Variants in KLHDC10 observed in about 807,000 individuals in gnomAD.
KLHDC10 encodes the protein kelch domain containing 10.
A neutral mutation model predicts 56.1 loss-of-function variants in KLHDC10; 24 were observed. That is an observed-to-expected ratio of 0.43 (90% CI 0.31 to 0.60). The LOEUF is 0.60. KLHDC10 is among the 20% of genes least tolerant of loss of function. The pLI is 0.11. For missense variants in KLHDC10, 349 were observed against 567.0 expected, an observed-to-expected ratio of 0.62 and a Z score of 3.91; for synonymous variants, 188 against 207.1, an observed-to-expected ratio of 0.91 and a Z score of 0.79.
At chr7:130,110,316 A>G (rs1454882601) in intron 2 of KLHDC10, among the ~76,000 whole-genome samples, 1 of 152,242 alleles carries the variant, frequency 6.6e-6, no homozygotes, top group Non-Finnish European at 1.5e-5. Context: ...ATTCATTGCA[A>G]AAGTAAATGG....
At chr7:130,081,903 T>C (rs967248640) in intron 1 of KLHDC10, among the ~76,000 whole-genome samples, 8 of 152,220 alleles carry the variant, frequency 5.3e-5, no homozygotes, top group African/African-American at 1.9e-4. Flanking sequence ...TCTGCCTTTC[T>C]AGAGCTAGAG....
At chr7:130,114,826 G>GT (rs1796145667) in intron 2 of KLHDC10, among the ~76,000 whole-genome samples, 1 of 151,936 alleles carries the variant, frequency 6.6e-6, no homozygotes, top group Non-Finnish European at 1.5e-5. Context: ...TGATGGGTAG[G>GT]TAGGTAGACT....
chr7:130,117,293 A>G (rs1727114334), intron 3 of KLHDC10, among the ~76,000 whole-genome samples: 1 of 152,106 alleles, frequency 6.6e-6, no homozygotes, highest in Non-Finnish European at 1.5e-5. Context: ...TGGTTGCTGA[A>G]GGTTGGGGTG....
At chr7:130,126,202 C>T (rs1796313792) in intron 7 of KLHDC10, among the ~76,000 whole-genome samples, 1 of 152,098 alleles carries the variant, frequency 6.6e-6, no homozygotes, top group Non-Finnish European at 1.5e-5. Context: ...CCTGTAGTCC[C>T]AGCTACTCCG....
intron 1 of KLHDC10, among the ~76,000 whole-genome samples, chr7:130,096,114 G>A (rs897793204): frequency 6.6e-6 from 1 of 152,090 alleles, no homozygotes; most frequent in Non-Finnish European, 1.5e-5. Context: ...ATTGTTGTGA[G>A]AATTATATGA....
intron 1 of KLHDC10, among the ~76,000 whole-genome samples, chr7:130,082,139 C>T (rs1795617231): frequency 6.6e-6 from 1 of 152,106 alleles, no homozygotes; most frequent in Non-Finnish European, 1.5e-5. Context: ...ATAGTGAGAC[C>T]TTGTCTTTAC....
intron 1 of KLHDC10, among the ~76,000 whole-genome samples, chr7:130,084,271 C>T (rs919195368): frequency 6.6e-6 from 1 of 152,164 alleles, no homozygotes; most frequent in African/African-American, 2.4e-5. Context: ...CTCCCTCTAG[C>T]TGCTGGTTGG....
chr7:130,126,080 A>T, intron 7 of KLHDC10, 149 bp downstream of exon 7: 1 of 627,272 alleles, frequency 1.6e-6, no homozygotes, highest in South Asian at 2.2e-5. Flanking sequence ...TAATCTCAGC[A>T]CTTTGGGAGG....
chr7:130,077,373 A>AAC (rs1795523219), intron 1 of KLHDC10, among the ~76,000 whole-genome samples: 1 of 147,386 alleles, frequency 6.8e-6, no homozygotes, highest in Non-Finnish European at 1.5e-5. Context: ...AAAAAAAAAA[A>AAC]AAAAAAAAAC....
In KLHDC10 at chr7:130,079,929, G is replaced by T. The variant is rs1165631617; in HGVS notation, c.166+9120G>T. 1.3e-3 allele frequency among the ~76,000 whole-genome samples: 62 copies of T among 49,186 alleles called. 3 individuals carry two copies. Among genetic ancestry groups the T allele is most frequent in the African/African-American group, 6.2e-3 (53 of 8,586 alleles). The allele number at this position is 49,186 out of a possible 152,430, so 32.3% of individuals were successfully genotyped here. A position where few individuals can be genotyped will look rare whatever the true frequency, so the allele number is the denominator to read the frequency against. ...CCCTCCCTCCCTTCCTCCCTTTCTC[G>T]CTTCCTCCTTCCCTCCCTTCCTCCC... On this transcript the variant is annotated intron_variant, in intron 1 of 9. Coordinates refer to ENST00000335420, the MANE Select transcript of KLHDC10 (RefSeq NM_014997.4).
Position 130,132,509 on chromosome 7 carries a change from T to C in KLHDC10, c.*1763T>C, listed in dbSNP as rs985638637. On this transcript the variant is annotated 3_prime_UTR_variant, in exon 10 of 10. Coordinates refer to ENST00000335420, the MANE Select transcript of KLHDC10 (RefSeq NM_014997.4). Reference sequence around the variant, plus strand: ...GGTTGAGTTCATGGAGCCTGTATTCTGGGAAGTCTTATAATAACCACGCAC... The same window carrying C: ...GGTTGAGTTCATGGAGCCTGTATTCCGGGAAGTCTTATAATAACCACGCAC... 6.6e-6 allele frequency: 1 copy of C among 152,186 alleles called. No homozygotes were observed. Among genetic ancestry groups the C allele is most frequent in the African/African-American group, 2.4e-5 (1 of 41,456 alleles). The allele number at this position is 152,186 out of a possible 1,614,324, so 9.4% of individuals were successfully genotyped here.
At chr7:130,071,203 A>C (rs1795404390) in intron 1 of KLHDC10, among the ~76,000 whole-genome samples, 1 of 152,234 alleles carries the variant, frequency 6.6e-6, no homozygotes, top group Admixed American at 6.5e-5. Context: ...TAAGGAGAGA[A>C]GAAGGAAACG....
intron 3 of KLHDC10, among the ~76,000 whole-genome samples, chr7:130,119,249 C>T (rs1424519177): frequency 3.3e-5 from 5 of 151,536 alleles, no homozygotes; most frequent in Non-Finnish European, 5.9e-5. Flanking sequence ...GGTGCCTCAC[C>T]CCTGTAATCC....
intron 7 of KLHDC10, among the ~76,000 whole-genome samples, chr7:130,126,506 T>A (rs1019894254): frequency 2.7e-5 from 4 of 150,920 alleles, no homozygotes; most frequent in Non-Finnish European, 5.9e-5. Flanking sequence ...TGAAACCCCA[T>A]CTCTACTAAA....
intron 1 of KLHDC10, among the ~76,000 whole-genome samples, chr7:130,077,923 T>C (rs1179926843): frequency 1.3e-5 from 2 of 152,126 alleles, no homozygotes; most frequent in Non-Finnish European, 2.9e-5. Context: ...AAATTTTGAG[T>C]ATTAATTTTA....
intron 8 of KLHDC10, among the ~76,000 whole-genome samples, chr7:130,127,697 T>C (rs958248978): frequency 2.0e-5 from 3 of 152,238 alleles, no homozygotes; most frequent in African/African-American, 7.2e-5. Context: ...GCTTTTATTG[T>C]AGCACTTGAT....
chr7:130,115,945 A>G (rs1796161556), intron 2 of KLHDC10, among the ~76,000 whole-genome samples: 1 of 152,152 alleles, frequency 6.6e-6, no homozygotes, highest in South Asian at 2.1e-4. Flanking sequence ...GTATAATTAT[A>G]TCTTGTGGAA....
At position 130,134,996 on chromosome 7, in the gene KLHDC10, G is replaced by A. The variant is rs757967095; in HGVS notation, c.*4250G>A. ...AAGGTCATTAGATTCAGCCAAAAGC[G>A]ACCTCTTCTCTAGTCCGGTGTTACG... On this transcript the variant is annotated 3_prime_UTR_variant, in exon 10 of 10. Transcript: ENST00000335420. 1 of 149,104 alleles carries A rather than the reference G, an allele frequency of 6.7e-6. No homozygotes were observed. Among genetic ancestry groups the A allele is most frequent in the African/African-American group, 2.5e-5 (1 of 40,070 alleles). The allele number at this position is 149,104 out of a possible 1,614,324, so 9.2% of individuals were successfully genotyped here.
Position 130,115,232 on chromosome 7 carries a change from G to A in KLHDC10, c.254-1213G>A, listed in dbSNP as rs914344179. Among the ~76,000 whole-genome samples the A allele has an allele frequency of 3.3e-5, 5 of 151,972 alleles. No homozygotes were observed. In the East Asian group the frequency reaches 7.7e-4, roughly 23 times the overall value. ...ATCTATTACCAACATAAAAAACTAC[G>A]TTCATCTTTAGGGTCACAACTATAG... On this transcript the variant is annotated intron_variant, in intron 2 of 9. Coordinates refer to ENST00000335420, the MANE Select transcript of KLHDC10 (RefSeq NM_014997.4).
Sources: gnomAD v4.1 joint callset for allele counts (sites outside exome capture counted in the v4.1 genomes callset) on GRCh38, gnomAD v4.1.1 for gene constraint, MANE v1.5 for transcripts, NCBI Gene and HGNC (gene_info 2026-07-23, HGNC 2026-07-21) for gene names.